Variants in MEA1 observed in about 807,000 individuals in gnomAD.
The protein encoded by MEA1 is male-enhanced antigen 1.
MEA1 carries 22 observed loss-of-function variants against 21.4 expected under a neutral mutation model. The observed-to-expected ratio is 1.03, with a 90% CI of 0.73 to 1.47. The LOEUF (loss-of-function observed/expected upper bound fraction) is 1.47, where lower values mean the gene tolerates loss of function less well. MEA1 is among the 40% of genes most tolerant of loss of function. The probability of loss-of-function intolerance (pLI) is 0.00; values close to 1 mark genes in which losing one functional copy is unlikely to be tolerated. For synonymous variants in MEA1, 91 were observed against 85.5 expected (o/e 1.06, Z -0.35); for missense variants, 233 against 230.5 (o/e 1.01, Z -0.07).
chr6:43,014,683 A>T (rs1581873486), upstream of MEA1: 5 of 453,828 alleles, frequency 1.1e-5, no homozygotes, highest in Non-Finnish European at 2.2e-5. Flanking sequence ...GAAGACAGGG[A>T]TAGAGTCATA....
chr6:43,014,157 G>A (rs1762496614), upstream of MEA1: 1 of 1,414,886 alleles, frequency 7.1e-7, no homozygotes, highest in Non-Finnish European at 9.2e-7. Flanking sequence ...CTCAGGAAAC[G>A]TATGGACTAC....
chr6:43,011,173 A>C lies in MEA1; in HGVS notation c.*1297T>G. The C allele has an allele frequency of 6.2e-7, 1 of 1,614,090 alleles. No individual in the cohort carries two copies. Among genetic ancestry groups the C allele is most frequent in the Non-Finnish European group, 8.5e-7 (1 of 1,180,014 alleles). On this transcript the variant is annotated 3_prime_UTR_variant, in exon 4 of 4. Transcript: ENST00000244711. ...GATGCTAAAAGACATCAAGAAGGAGAAAGTGCTGCTGCGGAGGAAGTCGGA... is the reference window on the plus strand; with the variant it reads ...GATGCTAAAAGACATCAAGAAGGAGCAAGTGCTGCTGCGGAGGAAGTCGGA...
chr6:43,012,977 C>T lies in MEA1; in HGVS notation c.355G>A (p.Glu119Lys). 1.9e-6 allele frequency: 3 copies of T among 1,614,196 alleles called. No individual in the cohort carries two copies. Among genetic ancestry groups the T allele is most frequent in the Non-Finnish European group, 2.5e-6 (3 of 1,180,026 alleles). ...TTGTTCAACGCTGTAGCTCCCTCCT[C>T]ATCTTCATCTTCACTCTCTAATGGT... is the stretch of plus-strand genomic sequence containing the variant. ...DPPLESEDED[E>K]EGATALNNHS... The change falls in exon 3 of 4, where the codon GAG becomes AAG. Residue 119 changes from glutamate to lysine, a missense_variant. By Grantham distance (56) the Glu-to-Lys change is moderately conservative. Transcript: ENST00000244711.
upstream of MEA1, chr6:43,014,436 G>T: frequency 2.0e-6 from 1 of 508,090 alleles, no homozygotes; most frequent in East Asian, 5.1e-5. Context: ...AGGGGCCTGA[G>T]AGTGATGAGG....
In MEA1 at chr6:43,013,851, A is replaced by AC; in HGVS notation, c.-39dup. 8.8e-6 allele frequency: 9 copies of AC among 1,024,132 alleles called. No individual in the cohort carries two copies. Among genetic ancestry groups the AC allele is most frequent in the Non-Finnish European group, 1.1e-5 (9 of 794,944 alleles). 63.4% of individuals were successfully genotyped at this position (1,024,132 alleles called of 1,614,324 possible). A position where few individuals can be genotyped will look rare whatever the true frequency, so the allele number is the denominator to read the frequency against. On this transcript the variant is annotated 5_prime_UTR_variant, in exon 1 of 4. Transcript: ENST00000244711. The stretch of plus-strand genomic sequence containing the variant: ...AATGGCCCCAGCTGCAGCGTCCCCC[A>AC]CCCGCCCCCATCCGAATCCCGGCGC...
intron 3 of MEA1, 66 bp from the exon 4 acceptor site, chr6:43,012,687 C>G (rs186470186): frequency 4.0e-6 from 6 of 1,511,734 alleles, no homozygotes; most frequent in South Asian, 1.3e-5. Flanking sequence ...CCCCAATCCC[C>G]GAATCAACCC....
In MEA1 at chr6:43,013,223, T is replaced by C. The variant is rs1327051856; in HGVS notation, c.195A>G (p.Pro65=). 1.9e-6 allele frequency: 3 copies of C among 1,614,170 alleles called. No individual in the cohort carries two copies. Among genetic ancestry groups the C allele is most frequent in the Non-Finnish European group, 8.5e-7 (1 of 1,180,012 alleles). The change falls in exon 2 of 4, where the codon CCA becomes CCG. Residue 65 remains proline (P), a synonymous_variant. Coordinates refer to ENST00000244711, the MANE Select transcript of MEA1 (RefSeq NM_014623.4). ...TCAGGGGCTGGTAGGAGTAGCCAGC[T>C]GGGCCCGACCCCGTTTCCTCCTGCT... ...EEEQEETGSG[P]AGYSYQPLNQ...
chr6:43,015,095 C>T (rs1425587445), upstream of MEA1, among the ~76,000 whole-genome samples: 1 of 152,160 alleles, frequency 6.6e-6, no homozygotes, highest in East Asian at 1.9e-4. Flanking sequence ...CTTGACATAT[C>T]TGAAGGGAAG....
upstream of MEA1, chr6:43,014,217 A>C: frequency 2.4e-6 from 3 of 1,270,932 alleles, no homozygotes; most frequent in Non-Finnish European, 3.1e-6. Context: ...GTGCGCGCAC[A>C]GCTGCCCGCC....
At chr6:43,012,780 C>T (rs1456459300) in intron 3 of MEA1, 146 bp downstream of exon 3, 2 of 1,212,480 alleles carry the variant, frequency 1.6e-6, no homozygotes, top group African/African-American at 3.0e-5. Flanking sequence ...AGCAAAAGAG[C>T]ATTTCACTTG....
chr6:43,014,633 G>A (rs1160620209), upstream of MEA1: 1 of 456,596 alleles, frequency 2.2e-6, no homozygotes, highest in Non-Finnish European at 4.4e-6. Flanking sequence ...GGGGAGGGGT[G>A]TCTGGCGTGG....
Position 43,013,775 on chromosome 6 carries a change from C to A in MEA1, c.28+11G>T, listed in dbSNP as rs779410738. 5.6e-6 allele frequency: 9 copies of A among 1,604,282 alleles called. No homozygotes were observed. The highest frequency in any genetic ancestry group is 4.5e-5 in the East Asian group (2 of 44,612). On this transcript the variant is annotated intron_variant, in intron 1 of 3. Transcript: ENST00000244711. ...CCCCTTCTCCCCTCTCCTAGAGGAC[C>A]CCCTCTGTACCGCCTGACAGATGCC...
rs778863183 is a variant in MEA1 at position 43,013,348 on chromosome 6, T to C, written c.70A>G (p.Met24Val). Residue 24 changes from methionine (M) to valine (V), a missense_variant, in exon 2 of 4, where the codon ATG becomes GTG. Coordinates refer to ENST00000244711, the MANE Select transcript of MEA1 (RefSeq NM_014623.4). ...TTGGGGAAGATACGCTCAGGGCCCATGGTGTCTCCTCCTAGAACTACTGTT... is the reference window on the plus strand; with the variant it reads ...TTGGGGAAGATACGCTCAGGGCCCACGGTGTCTCCTCCTAGAACTACTGTT... ...MATVVLGGDT[M>V]GPERIFPNQT... 1.9e-6 allele frequency: 3 copies of C among 1,614,078 alleles called. No homozygotes were observed. The highest frequency in any genetic ancestry group is 1.1e-5 in the South Asian group (1 of 91,080).
rs1762423543 is a variant in MEA1, at chr6:43,012,939, A to T, written c.393T>A (p.Ile131=). 1 of 1,613,800 alleles carries T rather than the reference A, an allele frequency of 6.2e-7. No individual in the cohort carries two copies. The highest frequency in any genetic ancestry group is 2.2e-5 in the East Asian group (1 of 44,882). ...ATGATCTTTTACCTGGGTCCATGGGAATAGAGCTGTGGTTGTTCAACGCTG... is the reference window on the plus strand; with the variant it reads ...ATGATCTTTTACCTGGGTCCATGGGTATAGAGCTGTGGTTGTTCAACGCTG... The part of the protein sequence containing the change: ...GATALNNHSS[I]PMDPEHVELV... The change falls in exon 3 of 4, where the codon ATT becomes ATA. Residue 131 remains isoleucine, a synonymous_variant. Transcript: ENST00000244711.
At chr6:43,014,499 GAAAGC>G, upstream of MEA1, 1 of 485,964 alleles carries the variant, frequency 2.1e-6, no homozygotes, top group Non-Finnish European at 4.0e-6. Context: ...TGTTAATGGG[GAAAGC>G]AGGGCTAGGG....
upstream of MEA1, among the ~76,000 whole-genome samples, chr6:43,015,153 C>G (rs1422784424): frequency 6.6e-6 from 1 of 152,166 alleles, no homozygotes; most frequent in Non-Finnish European, 1.5e-5. Flanking sequence ...TTAAGCCCAT[C>G]GACCTCCTAA....
chr6:43,015,697 A>C (rs1041124207), upstream of MEA1, among the ~76,000 whole-genome samples: 1 of 151,830 alleles, frequency 6.6e-6, no homozygotes, highest in Non-Finnish European at 1.5e-5. Flanking sequence ...TAAAAATACA[A>C]AAATTAGCTG....
rs1204353359 is a variant in MEA1, at chr6:43,011,679, A to C, written c.*791T>G. 2 of 220,734 alleles carry C rather than the reference A, an allele frequency of 9.1e-6. No homozygotes were observed. Among genetic ancestry groups the C allele is most frequent in the East Asian group, 2.4e-4 (2 of 8,260 alleles). The allele number at this position is 220,734 out of a possible 1,614,324, so 13.7% of individuals were successfully genotyped here. On this transcript the variant is annotated 3_prime_UTR_variant, in exon 4 of 4. Coordinates refer to ENST00000244711, the MANE Select transcript of MEA1 (RefSeq NM_014623.4). ...ATCTCCCCTCCTCTCTCTCCCCTGC[A>C]GAGGCATGTAGGGAACAGCAGGAGA...
intron 3 of MEA1, 47 bp downstream of exon 3, chr6:43,012,879 G>C: frequency 6.5e-7 from 1 of 1,546,638 alleles, no homozygotes; most frequent in Non-Finnish European, 8.9e-7. Flanking sequence ...ACTCATGCCA[G>C]TTCATTTCCT....
Sources: allele counts gnomAD v4.1 joint callset (sites outside exome capture counted in the v4.1 genomes callset), GRCh38; gene constraint gnomAD v4.1.1; transcripts MANE v1.5; gene names NCBI Gene and HGNC (gene_info 2026-07-23, HGNC 2026-07-21).